Variants in MAP3K13 observed in about 807,000 individuals in gnomAD.
The protein encoded by MAP3K13 is mitogen-activated protein kinase kinase kinase 13, also known as leucine zipper-bearing kinase.
In MAP3K13, 52 loss-of-function variants were observed where a neutral mutation model predicts 104.0. That is an observed-to-expected ratio of 0.50 (90% CI 0.40 to 0.63). The LOEUF (loss-of-function observed/expected upper bound fraction) is 0.63, where lower values mean the gene tolerates loss of function less well. MAP3K13 is among the 20% of genes least tolerant of loss of function. The probability of loss-of-function intolerance (pLI) is 0.00; values close to 1 mark genes in which losing one functional copy is unlikely to be tolerated. For missense variants in MAP3K13, 914 were observed against 1,218.5 expected (o/e 0.75, Z 3.72); for synonymous variants, 394 against 442.2 (o/e 0.89, Z 1.37).
intron 2 of MAP3K13, among the ~76,000 whole-genome samples, chr3:185,321,992 C>A (rs528946762): frequency 1.2e-4 from 19 of 152,300 alleles, no homozygotes; most frequent in African/African-American, 4.6e-4. Flanking sequence ...TATCCCCTTA[C>A]GGAAATGGTA....
At chr3:185,373,662 G>T (rs1046064731) in intron 1 of MAP3K13, among the ~76,000 whole-genome samples, 2 of 151,950 alleles carry the variant, frequency 1.3e-5, no homozygotes, top group Admixed American at 1.3e-4. Flanking sequence ...CAAACAAAAA[G>T]AATATTTTTC....
Position 185,480,522 on chromosome 3 carries a change from G to C in MAP3K13, c.2792G>C (p.Gly931Ala), listed in dbSNP as rs756144975. The part of the protein sequence containing the change: ...SLGKLCVEER[G>A]YENPMQFEES... ...GGCAAGCTGTGTGTGGAGGAACGTGGCTATGAGGTGGGGGCTTCTCCCTTC... is the reference window on the plus strand; with the variant it reads ...GGCAAGCTGTGTGTGGAGGAACGTGCCTATGAGGTGGGGGCTTCTCCCTTC... Residue 931 changes from glycine (G) to alanine (A), a missense_variant, in exon 13 of 14, where the codon GGC becomes GCC. This residue lies in a region of MAP3K13 where 583 missense variants were observed against 737.4 expected (regional missense o/e 0.79). Transcript: ENST00000265026. The C allele has an allele frequency of 6.2e-7, 1 of 1,612,570 alleles. No homozygotes were observed. The highest frequency in any genetic ancestry group is 8.5e-7 in the Non-Finnish European group (1 of 1,178,862).
rs1343322088 is a variant in MAP3K13, at chr3:185,486,779, TC to T, written c.*4324del. On this transcript the variant is annotated 3_prime_UTR_variant, in exon 14 of 14. Transcript: ENST00000265026. ...GTTCTGATTTTCATCTATTTCAAGATCATATCCTCTGGATAACAGTTCCTTT... is the reference window on the plus strand; with the variant it reads ...GTTCTGATTTTCATCTATTTCAAGATATATCCTCTGGATAACAGTTCCTTT... The T allele has an allele frequency of 6.6e-6, 1 of 152,236 alleles. No homozygotes were observed. The highest frequency in any genetic ancestry group is 1.5e-5 in the Non-Finnish European group (1 of 68,042). The allele number at this position is 152,236 out of a possible 1,614,324, so 9.4% of individuals were successfully genotyped here. A position where few individuals can be genotyped will look rare whatever the true frequency, so the allele number is the denominator to read the frequency against.
chr3:185,449,768 T>C, intron 5 of MAP3K13, 132 bp from the exon 6 acceptor site: 1 of 719,518 alleles, frequency 1.4e-6, no homozygotes, highest in Non-Finnish European at 2.1e-6. Flanking sequence ...CAGATGTTTC[T>C]GTTTTTCTTA....
At chr3:185,455,749 G>GAT (rs1203776075) in intron 7 of MAP3K13, among the ~76,000 whole-genome samples, 1 of 19,554 alleles carries the variant, frequency 5.1e-5, no homozygotes, top group Non-Finnish European at 1.5e-4. Flanking sequence ...ATATATATAT[G>GAT]ATATATATAT....
chr3:185,477,737 T>G (rs1718212099), intron 12 of MAP3K13, among the ~76,000 whole-genome samples: 1 of 152,214 alleles, frequency 6.6e-6, no homozygotes, highest in South Asian at 2.1e-4. Flanking sequence ...TGTGTTGGTC[T>G]GCTCAGGCTT....
chr3:185,435,544 G>A (rs1714984698), intron 2 of MAP3K13, among the ~76,000 whole-genome samples: 1 of 152,114 alleles, frequency 6.6e-6, no homozygotes, highest in Non-Finnish European at 1.5e-5. Flanking sequence ...TGTTTCTTGG[G>A]TGATTTTAAA....
At chr3:185,443,034 T>G (rs926882563) in intron 3 of MAP3K13, among the ~76,000 whole-genome samples, 13 of 151,902 alleles carry the variant, frequency 8.6e-5, no homozygotes, top group African/African-American at 3.1e-4. Flanking sequence ...AGAGACAGGG[T>G]TTCACCATCT....
At chr3:185,466,128 A>G (rs1577607937) in intron 9 of MAP3K13, among the ~76,000 whole-genome samples, 1 of 152,208 alleles carries the variant, frequency 6.6e-6, no homozygotes, top group East Asian at 1.9e-4. Context: ...CAAGAAGAGC[A>G]CGGGGTGAAG....
chr3:185,374,673 T>G (rs1724336119), intron 1 of MAP3K13, among the ~76,000 whole-genome samples: 1 of 152,094 alleles, frequency 6.6e-6, no homozygotes, highest in Middle Eastern at 3.2e-3. Flanking sequence ...AGGCTCTATC[T>G]TTGAGTTTTT....
intron 1 of MAP3K13, among the ~76,000 whole-genome samples, chr3:185,421,558 T>C (rs373242262): frequency 6.6e-6 from 1 of 152,214 alleles, no homozygotes; most frequent in East Asian, 1.9e-4. Context: ...CCCTCCAATG[T>C]TCCTTGTCTT....
At chr3:185,464,908 T>C (rs1717322089) in intron 8 of MAP3K13, among the ~76,000 whole-genome samples, 1 of 152,160 alleles carries the variant, frequency 6.6e-6, no homozygotes, top group Non-Finnish European at 1.5e-5. Flanking sequence ...CTCCCTCAAG[T>C]CTTTTTTATA....
At chr3:185,351,910 T>C (rs1012617837) in intron 2 of MAP3K13, among the ~76,000 whole-genome samples, 1 of 152,242 alleles carries the variant, frequency 6.6e-6, no homozygotes, top group Non-Finnish European at 1.5e-5. Flanking sequence ...GGGTTACTTC[T>C]ATTTGTTCTG....
intron 1 of MAP3K13, among the ~76,000 whole-genome samples, chr3:185,395,580 G>C (rs1243581165): frequency 6.7e-6 from 1 of 149,868 alleles, no homozygotes; most frequent in Non-Finnish European, 1.5e-5. Flanking sequence ...GGATGGTCTC[G>C]ATCTCCTGAC....
chr3:185,292,354 T>G (rs139544887), intron 2 of MAP3K13: 1 of 151,564 alleles, frequency 6.6e-6, no homozygotes, highest in East Asian at 1.9e-4. Context: ...GATGAAGCGG[T>G]AAAAATGTTT....
intron 7 of MAP3K13, among the ~76,000 whole-genome samples, chr3:185,461,603 C>T (rs950029928): frequency 1.3e-5 from 2 of 151,906 alleles, no homozygotes; most frequent in African/African-American, 4.8e-5. Flanking sequence ...GCTCTTGTTG[C>T]CCAGGCTGGA....
intron 7 of MAP3K13, among the ~76,000 whole-genome samples, chr3:185,460,917 G>A (rs1717060223): frequency 1.3e-5 from 2 of 152,156 alleles, no homozygotes; most frequent in African/African-American, 2.4e-5. Context: ...ACCACCAGAG[G>A]GAGGTACTCC....
intron 1 of MAP3K13, among the ~76,000 whole-genome samples, chr3:185,380,752 G>A (rs1178584835): frequency 1.3e-5 from 2 of 152,066 alleles, no homozygotes; most frequent in Non-Finnish European, 2.9e-5. Flanking sequence ...AATGATTTTT[G>A]TCAACATTTC....
chr3:185,480,154 C>T (rs1292678486), intron 12 of MAP3K13, 78 bp from the exon 13 acceptor site: 5 of 1,369,846 alleles, frequency 3.7e-6, no homozygotes, highest in Admixed American at 3.9e-5. Context: ...TTATCTCTAC[C>T]ACTACTATGA....
Sources: gnomAD v4.1 joint callset for allele counts (sites outside exome capture counted in the v4.1 genomes callset) on GRCh38, gnomAD v4.1.1 for gene constraint, gnomAD v4.1.1 regional missense constraint, MANE v1.5 for transcripts, NCBI Gene and HGNC (gene_info 2026-07-23, HGNC 2026-07-21) for gene names.